The following SNAP25 variants were observed in gnomAD, a reference collection of about 807,000 sequenced individuals.
The protein encoded by SNAP25 is synaptosomal-associated protein 25.
Under a neutral mutation model 28.7 loss-of-function variants are expected in SNAP25, and 3 were observed. That is an observed-to-expected ratio of 0.10 (90% confidence interval 0.05 to 0.27). The LOEUF is 0.27. Among genes scored for constraint, SNAP25 ranks in the 10% least tolerant of loss-of-function variants. The pLI, the probability that SNAP25 is intolerant of heterozygous loss-of-function variation, is 1.00. For synonymous variants in SNAP25, 61 were observed against 88.1 expected, an observed-to-expected ratio of 0.69 and a Z score of 1.72; for missense variants, 117 against 278.7, an observed-to-expected ratio of 0.42 and a Z score of 4.13.
At chr20:10,261,153 G>A (rs954489890) in intron 1 of SNAP25, among the ~76,000 whole-genome samples, 1 of 152,048 alleles carries the variant, frequency 6.6e-6, no homozygotes. Context: ...TTTTCTCCAA[G>A]CTAAATACCC....
intron 1 of SNAP25, among the ~76,000 whole-genome samples, chr20:10,264,918 C>CTTTTTTTTTTTTTT (rs958711328): frequency 6.8e-5 from 8 of 117,148 alleles, no homozygotes; most frequent in African/African-American, 2.7e-4. Context: ...TCAGACCATG[C>CTTTTTTTTTTTTTT]TTTTTTTTTT....
chr20:10,266,653 A>G (rs545257323), intron 1 of SNAP25, among the ~76,000 whole-genome samples: 29 of 152,362 alleles, frequency 1.9e-4, no homozygotes, highest in African/African-American at 6.7e-4. Context: ...ATAACATAGT[A>G]GAACAGGGTT....
intron 1 of SNAP25, among the ~76,000 whole-genome samples, chr20:10,232,373 A>C (rs989808230): frequency 3.3e-5 from 5 of 152,232 alleles, no homozygotes; most frequent in African/African-American, 1.2e-4. Flanking sequence ...GGAACCACAC[A>C]GTTCAGTTGG....
At chr20:10,224,082 G>T (rs57547608) in intron 1 of SNAP25, among the ~76,000 whole-genome samples, 3 of 151,674 alleles carry the variant, frequency 2.0e-5, no homozygotes, top group Non-Finnish European at 4.4e-5. Context: ...TTTCCATTTC[G>T]CAGATGAAAT....
At chr20:10,277,584 G>T in intron 2 of SNAP25, 101 bp from the exon 3 acceptor site, 1 of 960,550 alleles carries the variant, frequency 1.0e-6, no homozygotes, top group Non-Finnish European at 1.6e-6. Context: ...ATGTGACAGA[G>T]ACCCTTTGTG....
intron 1 of SNAP25, among the ~76,000 whole-genome samples, chr20:10,241,347 C>A (rs2063028876): frequency 6.6e-6 from 1 of 152,118 alleles, no homozygotes; most frequent in African/African-American, 2.4e-5. Context: ...GTTGCAGCCC[C>A]CGGGTCCATC....
At chr20:10,263,508 G>A (rs936719223) in intron 1 of SNAP25, among the ~76,000 whole-genome samples, 1 of 152,178 alleles carries the variant, frequency 6.6e-6, no homozygotes, top group Admixed American at 6.5e-5. Flanking sequence ...AAATAGTTTG[G>A]TTTTCATGAG....
rs140731509 is a variant in SNAP25 at position 10,226,873 on chromosome 20, C to G, written c.-64+7896C>G. 1.6e-3 allele frequency among the ~76,000 whole-genome samples: 246 copies of G among 152,194 alleles called. 2 individuals are homozygous for G. Among genetic ancestry groups the G allele is most frequent in the Non-Finnish European group, 4.6e-4 (31 of 67,976 alleles). On this transcript the variant is annotated intron_variant, in intron 1 of 7. Coordinates refer to ENST00000254976, the MANE Select transcript of SNAP25 (RefSeq NM_130811.4). ...TAAATACATGACTATATTCCAGTAT[C>G]CCAATCTGTTGGGATCTCTCCCTGT... is the stretch of plus-strand genomic sequence containing the variant.
intron 1 of SNAP25, among the ~76,000 whole-genome samples, chr20:10,272,866 G>T (rs1004594193): frequency 1.3e-5 from 2 of 152,092 alleles, no homozygotes. Flanking sequence ...TGCTTTGCCC[G>T]GCAATCACTG....
At chr20:10,232,911 A>G (rs1480214072) in intron 1 of SNAP25, among the ~76,000 whole-genome samples, 3 of 152,176 alleles carry the variant, frequency 2.0e-5, no homozygotes, top group Non-Finnish European at 4.4e-5. Context: ...CAATAACATC[A>G]GCAGAACTCC....
intron 1 of SNAP25, among the ~76,000 whole-genome samples, chr20:10,265,938 T>A (rs2063499245): frequency 6.6e-6 from 1 of 152,148 alleles, no homozygotes; most frequent in Admixed American, 6.5e-5. Flanking sequence ...CCGATGCTGG[T>A]CTGGGGAACA....
intron 1 of SNAP25, among the ~76,000 whole-genome samples, chr20:10,246,137 G>A (rs997385496): frequency 2.0e-5 from 3 of 152,230 alleles, no homozygotes; most frequent in Admixed American, 2.0e-4. Context: ...TTCACGGAGA[G>A]CATATTGATT....
intron 1 of SNAP25, among the ~76,000 whole-genome samples, chr20:10,271,454 A>G (rs1278004517): frequency 6.6e-6 from 1 of 152,198 alleles, no homozygotes; most frequent in East Asian, 1.9e-4. Flanking sequence ...CAGATTCATC[A>G]GCCCTCCTCC....
intron 7 of SNAP25, among the ~76,000 whole-genome samples, chr20:10,305,487 A>C (rs938457094): frequency 8.5e-5 from 13 of 152,144 alleles, no homozygotes; most frequent in Non-Finnish European, 2.9e-5. Flanking sequence ...GGGTGCAATG[A>C]GCTATGATCA....
chr20:10,237,844 C>T (rs1441236382), intron 1 of SNAP25, among the ~76,000 whole-genome samples: 2 of 152,168 alleles, frequency 1.3e-5, no homozygotes, highest in African/African-American at 4.8e-5. Flanking sequence ...AAGCTTCACC[C>T]CAATTAGGTG....
intron 1 of SNAP25, among the ~76,000 whole-genome samples, chr20:10,272,995 T>C (rs2063624206): frequency 6.6e-6 from 1 of 152,132 alleles, no homozygotes; most frequent in Non-Finnish European, 1.5e-5. Flanking sequence ...GAAAGTGATA[T>C]TAATATGTAC....
chr20:10,304,007 C>T lies in SNAP25; in HGVS notation c.553-2122C>T, dbSNP rs563229215. 5.9e-5 allele frequency among the ~76,000 whole-genome samples: 9 copies of T among 152,262 alleles called. No individual in the cohort carries two copies. In the South Asian group the frequency reaches 1.0e-3, roughly 18 times the overall value. On this transcript the variant is annotated intron_variant, in intron 7 of 7. Transcript: ENST00000254976. Reference sequence around the variant, plus strand: ...CCCAGAAGCAAGCCAAGTTCTCATACGGTAACAATAATTGCAAGATAAACT... The same window carrying T: ...CCCAGAAGCAAGCCAAGTTCTCATATGGTAACAATAATTGCAAGATAAACT...
chr20:10,275,672 A>T (rs1166396332), intron 2 of SNAP25, 109 bp downstream of exon 2: 2 of 840,224 alleles, frequency 2.4e-6, no homozygotes, highest in Non-Finnish European at 1.8e-6. Flanking sequence ...AATTTCTTTT[A>T]GAAAAAGTAA....
chr20:10,279,446 C>A (rs369312240), intron 3 of SNAP25, among the ~76,000 whole-genome samples: 1 of 152,074 alleles, frequency 6.6e-6, no homozygotes, highest in Non-Finnish European at 1.5e-5. Context: ...ATATCAGAAC[C>A]GTCACTAATT....
Sources: gnomAD v4.1 joint callset for allele counts (sites outside exome capture counted in the v4.1 genomes callset) on GRCh38, gnomAD v4.1.1 for gene constraint, MANE v1.5 for transcripts, NCBI Gene and HGNC (gene_info 2026-07-23, HGNC 2026-07-21) for gene names.